The following BPTF variants were observed in gnomAD, a reference collection of about 807,000 sequenced individuals.
BPTF encodes nucleosome-remodeling factor subunit BPTF.
Under a neutral mutation model 292.5 loss-of-function variants are expected in BPTF, and 18 were observed. The observed-to-expected ratio is 0.06, with a 90% CI of 0.04 to 0.09. The LOEUF (loss-of-function observed/expected upper bound fraction) is 0.09. Ranked by LOEUF, BPTF falls within the 10% of genes least tolerant of loss-of-function variation. The pLI, the probability that BPTF is intolerant of heterozygous loss-of-function variation, is 1.00. For synonymous variants in BPTF, 1,225 were observed against 1,251.9 expected, an observed-to-expected ratio of 0.98 and a Z score of 0.45; for missense variants, 2,726 against 3,498.7, an observed-to-expected ratio of 0.78 and a Z score of 5.57.
chr17:67,945,971 T>C lies in BPTF; in HGVS notation c.7263T>C (p.Pro2421=). 6.2e-7 allele frequency: 1 copy of C among 1,614,196 alleles called. No individual in the cohort carries two copies. The highest frequency in any genetic ancestry group is 1.7e-5 in the Admixed American group (1 of 60,018). The stretch of plus-strand genomic sequence containing the variant: ...TTACTGTTTCATCCCCATCCCGTCC[T>C]CAGCTACAAATACAGCAGCCACAGC... ...NQVTVSSPSR[P]QLQIQQPQPQ... The change falls in exon 21 of 28, where the codon CCT becomes CCC. Residue 2421 remains proline (P), a synonymous_variant. Transcript: ENST00000306378.
At chr17:67,941,330 G>T (rs1426710927) in intron 19 of BPTF, among the ~76,000 whole-genome samples, 2 of 152,182 alleles carry the variant, frequency 1.3e-5, no homozygotes, top group African/African-American at 4.8e-5. Context: ...GCATGCGCTT[G>T]TAATCACAGC....
chr17:67,935,951 A>G (rs2064877711), intron 18 of BPTF, among the ~76,000 whole-genome samples: 1 of 152,228 alleles, frequency 6.6e-6, no homozygotes, highest in Non-Finnish European at 1.5e-5. Flanking sequence ...ATAGCAAGAC[A>G]TAATTAAATA....
chr17:67,976,714 A>AAAAAAAAAAAAAAAG (rs1555694156), intron 27 of BPTF, among the ~76,000 whole-genome samples: 1 of 116,588 alleles, frequency 8.6e-6, no homozygotes, highest in African/African-American at 3.6e-5. Context: ...AAAAAAAAAA[A>AAAAAAAAAAAAAAAG]ATAAGAATAA....
chr17:67,917,619 T>A lies in BPTF; in HGVS notation c.5304-1095T>A, dbSNP rs926732704. Among the ~76,000 whole-genome samples the A allele has an allele frequency of 2.1e-4, 27 of 129,054 alleles. 1 individual carries two copies. Among genetic ancestry groups the A allele is most frequent in the East Asian group, 6.3e-4 (3 of 4,788 alleles). The allele number at this position is 129,054 out of a possible 152,430, so 84.7% of individuals were successfully genotyped here. ...TTTGTAAGATGTTTTTGGTTTAATT[T>A]AATTAATTAATTAATTAATTAATTA... On this transcript the variant is annotated intron_variant, in intron 11 of 27. Coordinates refer to ENST00000306378, the MANE Select transcript of BPTF (RefSeq NM_182641.4).
intron 7 of BPTF, among the ~76,000 whole-genome samples, chr17:67,899,158 T>C (rs554746335): frequency 6.6e-6 from 1 of 152,208 alleles, no homozygotes; most frequent in Admixed American, 6.5e-5. Context: ...ACCTATAAAA[T>C]TGCTGAAGCA....
chr17:67,848,419 T>A (rs1002702820), intron 1 of BPTF, among the ~76,000 whole-genome samples: 8 of 152,196 alleles, frequency 5.3e-5, no homozygotes, highest in Non-Finnish European at 1.2e-4. Context: ...AATATAATTG[T>A]GCTCACGCTG....
intron 8 of BPTF, 37 bp downstream of exon 8, chr17:67,903,955 C>T: frequency 6.5e-7 from 1 of 1,532,140 alleles, no homozygotes; most frequent in South Asian, 1.3e-5. Flanking sequence ...TAGTGTTAGC[C>T]ATTTCTGAGA....
At chr17:67,844,409 G>A (rs2057860904) in intron 1 of BPTF, among the ~76,000 whole-genome samples, 1 of 151,772 alleles carries the variant, frequency 6.6e-6, no homozygotes, top group Non-Finnish European at 1.5e-5. Flanking sequence ...CACCACGCCT[G>A]GCTAATTTTT....
chr17:67,946,781 A>G (rs1204024500), intron 21 of BPTF, among the ~76,000 whole-genome samples: 6 of 152,130 alleles, frequency 3.9e-5, no homozygotes, highest in Non-Finnish European at 7.4e-5. Context: ...TTGAAAACAT[A>G]TTATTTCATA....
intron 11 of BPTF, among the ~76,000 whole-genome samples, chr17:67,914,229 T>C (rs2062836718): frequency 1.3e-5 from 2 of 152,224 alleles, no homozygotes; most frequent in Admixed American, 1.3e-4. Flanking sequence ...CACACTTTTT[T>C]GGTTTCCTTT....
At position 67,875,629 on chromosome 17, in the gene BPTF, A is replaced by G. The variant is rs147356560; in HGVS notation, c.1864+609A>G. ...GCGACAACACAACAAATGCAACTTC[A>G]GAAGAGACTAGTCCCTCTGAAGGGA... On this transcript the variant is annotated intron_variant, in intron 4 of 27. Transcript: ENST00000306378. 9.6e-5 allele frequency: 154 copies of G among 1,604,224 alleles called. No homozygotes were observed. The highest frequency in any genetic ancestry group is 1.3e-4 in the Non-Finnish European group (149 of 1,175,124).
chr17:67,950,273 CAAAAA>C (rs1426880244), intron 23 of BPTF, among the ~76,000 whole-genome samples: 2 of 151,022 alleles, frequency 1.3e-5, no homozygotes, highest in Non-Finnish European at 3.0e-5. Flanking sequence ...CCCCCACCGC[CAAAAA>C]AAGAAGATGA....
chr17:67,982,365 GT>G lies in BPTF; in HGVS notation c.*82del. On this transcript the variant is annotated 3_prime_UTR_variant, in exon 28 of 28. Coordinates refer to ENST00000306378, the MANE Select transcript of BPTF (RefSeq NM_182641.4). The stretch of plus-strand genomic sequence containing the variant: ...ACTATTTTAAATTAAGGAGCCAGAT[GT>G]TTTTAGTCAGGCTATCCTGACAAGA... 2 of 1,374,766 alleles carry G rather than the reference GT, an allele frequency of 1.5e-6. No individual in the cohort carries two copies. Among genetic ancestry groups the G allele is most frequent in the Non-Finnish European group, 2.1e-6 (2 of 971,706 alleles). The allele number at this position is 1,374,766 out of a possible 1,614,324, so 85.2% of individuals were successfully genotyped here. A position where few individuals can be genotyped will look rare whatever the true frequency, so the allele number is the denominator to read the frequency against.
intron 23 of BPTF, among the ~76,000 whole-genome samples, chr17:67,953,382 A>T (rs559161656): frequency 1.8e-4 from 27 of 151,376 alleles, no homozygotes; most frequent in South Asian, 1.3e-3. Flanking sequence ...CAGCCTCCCA[A>T]GTAGCTGGGA....
chr17:67,854,777 T>A lies in BPTF; in HGVS notation c.1436+15T>A. The A allele has an allele frequency of 6.3e-7, 1 of 1,583,660 alleles. No homozygotes were observed. Among genetic ancestry groups the A allele is most frequent in the South Asian group, 1.1e-5 (1 of 89,148 alleles). ...AGACTCATAATGTAAGTAAATCTGG[T>A]CTTAATTTTTTGTATGCATTTAAAA... On this transcript the variant is annotated intron_variant, in intron 2 of 27. Coordinates refer to ENST00000306378, the MANE Select transcript of BPTF (RefSeq NM_182641.4). This position sits in a 1 kb window ranked among gnomAD's most constrained non-coding sequence, Gnocchi z 5.6.
At chr17:67,845,995 C>G (rs2058003460) in intron 1 of BPTF, among the ~76,000 whole-genome samples, 1 of 151,984 alleles carries the variant, frequency 6.6e-6, no homozygotes, top group Non-Finnish European at 1.5e-5. Context: ...TAAATGAGTT[C>G]TTAAACTTTT....
intron 4 of BPTF, among the ~76,000 whole-genome samples, chr17:67,883,478 G>T (rs1425697355): frequency 6.6e-6 from 1 of 152,080 alleles, no homozygotes; most frequent in Admixed American, 6.6e-5. Flanking sequence ...TATGTAACGG[G>T]AGATATTCAG....
chr17:67,968,845 G>A (rs1414659788), intron 26 of BPTF, among the ~76,000 whole-genome samples: 2 of 151,216 alleles, frequency 1.3e-5, no homozygotes, highest in African/African-American at 4.9e-5. Flanking sequence ...AGCCCGGCGT[G>A]GTGGCACATG....
In BPTF at chr17:67,912,862, A is replaced by G; in HGVS notation, c.4978A>G (p.Thr1660Ala). The G allele has an allele frequency of 6.2e-7, 1 of 1,614,210 alleles. No homozygotes were observed. Among genetic ancestry groups the G allele is most frequent in the Non-Finnish European group, 8.5e-7 (1 of 1,180,024 alleles). Residue 1660 changes from threonine to alanine, a missense_variant, in exon 11 of 28, where the codon ACA becomes GCA. Transcript: ENST00000306378. ...KEQSKTVVTT[T>A]VTDSLTTTGG... Reference sequence around the variant, plus strand: ...GCAGAGCAAAACCGTGGTCACCACGACAGTGACAGACTCCCTGACCACCAC... The same window carrying G: ...GCAGAGCAAAACCGTGGTCACCACGGCAGTGACAGACTCCCTGACCACCAC...
Sources: allele counts gnomAD v4.1 joint callset (sites outside exome capture counted in the v4.1 genomes callset), GRCh38; gene constraint gnomAD v4.1.1; non-coding constraint Gnocchi (gnomAD v3.1); transcripts MANE v1.5; gene names NCBI Gene and HGNC (gene_info 2026-07-23, HGNC 2026-07-21).